The following MDGA2 variants were observed in gnomAD, a reference collection of about 807,000 sequenced individuals.
MDGA2 encodes the protein MAM domain-containing glycosylphosphatidylinositol anchor protein 2.
MDGA2 carries 40 observed loss-of-function variants against 117.8 expected under a neutral mutation model. The ratio of observed to expected loss-of-function variants is 0.34; its 90% CI spans 0.26 to 0.44. The LOEUF (loss-of-function observed/expected upper bound fraction) is 0.44, where lower values mean the gene tolerates loss of function less well. Among genes scored for constraint, MDGA2 ranks in the 20% least tolerant of loss-of-function variants. MDGA2 has a pLI of 1.00. For synonymous variants in MDGA2, 452 were observed against 439.0 expected, an observed-to-expected ratio of 1.03 and a Z score of -0.37; for missense variants, 1,123 against 1,250.6, an observed-to-expected ratio of 0.90 and a Z score of 1.54.
At chr14:47,000,377 T>TTATA (rs1162156512) in intron 8 of MDGA2, among the ~76,000 whole-genome samples, 6,190 of 99,942 alleles carry the variant, frequency 0.062, 183 homozygotes, top group South Asian at 0.13. Flanking sequence ...ATATATATAT[T>TTATA]TATATATATA....
chr14:47,526,720 C>T (rs1486306789), intron 1 of MDGA2, among the ~76,000 whole-genome samples: 1 of 152,078 alleles, frequency 6.6e-6, no homozygotes, highest in Non-Finnish European at 1.5e-5. Context: ...TCTTCTTCAC[C>T]CTCAAGTCCT....
intron 8 of MDGA2, among the ~76,000 whole-genome samples, chr14:46,979,514 T>C (rs1022141969): frequency 2.0e-5 from 3 of 152,104 alleles, no homozygotes; most frequent in Non-Finnish European, 2.9e-5. Flanking sequence ...CGCCCACTTG[T>C]GAAAGCAAAG....
rs144284534 is a variant in MDGA2, at chr14:47,062,377, G to A, written c.1196-799C>T. Among the ~76,000 whole-genome samples, 1,149 of 152,082 alleles carry A rather than the reference G, an allele frequency of 7.6e-3. 14 individuals are homozygous for A. The highest frequency in any genetic ancestry group is 0.026 in the African/African-American group (1,098 of 41,518). On this transcript the variant is annotated intron_variant, in intron 6 of 16. Transcript: ENST00000399232. ...GGTCAGTAGTAATGACTACCAAAAG[G>A]CTGCCAAGGGAGCATCTATAGACTT...
chr14:47,521,249 G>A (rs1049439172), intron 1 of MDGA2, among the ~76,000 whole-genome samples: 1 of 152,102 alleles, frequency 6.6e-6, no homozygotes, highest in Admixed American at 6.5e-5. Context: ...GGATGTGGGG[G>A]ATCAGTTTTT....
chr14:47,522,900 TG>T (rs1295152136), intron 1 of MDGA2, among the ~76,000 whole-genome samples: 1 of 152,208 alleles, frequency 6.6e-6, no homozygotes, highest in East Asian at 1.9e-4. Context: ...TTAGCATCTT[TG>T]GAAATAATGT....
rs183385281 is a variant in MDGA2, at chr14:47,497,562, T to C, written c.280+176955A>G. Among the ~76,000 whole-genome samples the C allele has an allele frequency of 2.4e-3, 360 of 152,248 alleles. 1 individual carries two copies. The highest frequency in any genetic ancestry group is 8.7e-3 in the South Asian group (42 of 4,816). On this transcript the variant is annotated intron_variant, in intron 1 of 16. Coordinates refer to ENST00000399232, the MANE Select transcript of MDGA2 (RefSeq NM_001113498.3). ...CATGAGCCACCACACCTGGCCAATA[T>C]TGAGTCTTTTAATATACAAATTCAG... is the stretch of plus-strand genomic sequence containing the variant.
chr14:47,080,112 T>A (rs1890654541), intron 6 of MDGA2, among the ~76,000 whole-genome samples: 2 of 152,204 alleles, frequency 1.3e-5, no homozygotes, highest in African/African-American at 2.4e-5. Flanking sequence ...AAAGTTAACA[T>A]TTGTCTAATT....
intron 1 of MDGA2, among the ~76,000 whole-genome samples, chr14:47,547,965 C>T (rs193109651): frequency 6.6e-6 from 1 of 151,946 alleles, no homozygotes; most frequent in East Asian, 1.9e-4. Flanking sequence ...CTATGTTCGC[C>T]CCTCCCCTGC....
chr14:47,189,146 A>C (rs981963437), intron 3 of MDGA2, among the ~76,000 whole-genome samples: 2 of 152,006 alleles, frequency 1.3e-5, no homozygotes, highest in East Asian at 1.9e-4. Flanking sequence ...CCTTGATCTC[A>C]CTCTATCCTG....
chr14:46,870,970 A>G (rs1287649994), intron 14 of MDGA2: 1 of 152,038 alleles, frequency 6.6e-6, no homozygotes, highest in African/African-American at 2.4e-5. Flanking sequence ...TTAAAAATCA[A>G]TTAAAATATG....
intron 14 of MDGA2, among the ~76,000 whole-genome samples, chr14:46,858,465 T>C (rs2138312583): frequency 6.7e-6 from 1 of 149,364 alleles, no homozygotes; most frequent in Non-Finnish European, 1.5e-5. Flanking sequence ...TCTCGCTCTG[T>C]CTCCCAGGCT....
At chr14:47,508,052 T>C (rs556588609) in intron 1 of MDGA2, among the ~76,000 whole-genome samples, 3 of 152,370 alleles carry the variant, frequency 2.0e-5, no homozygotes, top group Admixed American at 1.3e-4. Context: ...AATGGCTCTA[T>C]TTGTTAGGAA....
chr14:47,196,484 C>A (rs1885292270), intron 3 of MDGA2, among the ~76,000 whole-genome samples: 1 of 152,132 alleles, frequency 6.6e-6, no homozygotes, highest in African/African-American at 2.4e-5. Context: ...TGATTTAACA[C>A]CGCCCACTAA....
At chr14:47,661,749 T>TA (rs1015731679) in intron 1 of MDGA2, among the ~76,000 whole-genome samples, 1 of 144,226 alleles carries the variant, frequency 6.9e-6, no homozygotes, top group Non-Finnish European at 1.5e-5. Context: ...AGAGTTTCTT[T>TA]TTTTTTTTTT....
chr14:46,888,693 A>G (rs1453297636), intron 10 of MDGA2, among the ~76,000 whole-genome samples: 1 of 151,842 alleles, frequency 6.6e-6, no homozygotes, highest in Non-Finnish European at 1.5e-5. Flanking sequence ...GAAGGGAATA[A>G]AAGTGGTAAT....
chr14:47,203,140 G>T (rs1412313366), intron 3 of MDGA2, among the ~76,000 whole-genome samples: 1 of 151,858 alleles, frequency 6.6e-6, no homozygotes, highest in Non-Finnish European at 1.5e-5. Context: ...AGGAATCCAG[G>T]TATTTCTTAT....
chr14:47,634,896 A>C (rs183477204), intron 1 of MDGA2, among the ~76,000 whole-genome samples: 17 of 152,228 alleles, frequency 1.1e-4, no homozygotes, highest in Non-Finnish European at 2.4e-4. Context: ...CATTAGTATG[A>C]AATAAAACTA....
chr14:47,532,568 A>G (rs907840593), intron 1 of MDGA2, among the ~76,000 whole-genome samples: 2 of 152,234 alleles, frequency 1.3e-5, no homozygotes, highest in African/African-American at 4.8e-5. Context: ...CAAGTTTAGT[A>G]TATTTCCACT....
intron 1 of MDGA2, among the ~76,000 whole-genome samples, chr14:47,410,896 A>G (rs576482094): frequency 1.3e-5 from 2 of 152,326 alleles, no homozygotes; most frequent in East Asian, 1.9e-4. Context: ...TGAAAATAAA[A>G]GATGTCTAAG....
Sources: allele counts gnomAD v4.1 joint callset (sites outside exome capture counted in the v4.1 genomes callset), GRCh38; gene constraint gnomAD v4.1.1; transcripts MANE v1.5; gene names NCBI Gene and HGNC (gene_info 2026-07-23, HGNC 2026-07-21).